The following PREPL variants were observed in gnomAD, a reference collection of about 807,000 sequenced individuals.
PREPL encodes the protein prolyl endopeptidase-like.
Under a neutral mutation model 70.6 loss-of-function variants are expected in PREPL, and 77 were observed. That is an observed-to-expected ratio of 1.09 (90% CI 0.91 to 1.32). The LOEUF is 1.32. Ranked by LOEUF, PREPL falls within the 40% of genes most tolerant of loss-of-function variation. The pLI is 0.00. For missense variants in PREPL, 1,002 were observed against 778.2 expected (o/e 1.29, Z -3.42); for synonymous variants, 315 against 264.8 (o/e 1.19, Z -1.84).
In PREPL at chr2:44,320,194, A is replaced by T. The variant is rs772586246; in HGVS notation, c.*1162T>A. ...ACTTACGTAAATACTTTTTTAAAAA[A>T]ATAGGTCCAAAAGACTCAGCCCAGA... On this transcript the variant is annotated 3_prime_UTR_variant, in exon 14 of 14. Coordinates refer to ENST00000409411, the MANE Select transcript of PREPL (RefSeq NM_001171613.2). 5 of 1,610,278 alleles carry T rather than the reference A, an allele frequency of 3.1e-6. No homozygotes were observed. In the Admixed American group the frequency reaches 5.0e-5, roughly 16 times the overall value.
In PREPL at chr2:44,321,169, G is replaced by C. The variant is rs1185094243; in HGVS notation, c.*187C>G. 1 of 579,366 alleles carries C rather than the reference G, an allele frequency of 1.7e-6. No homozygotes were observed. The highest frequency in any genetic ancestry group is 3.1e-6 in the Non-Finnish European group (1 of 322,050). The allele number at this position is 579,366 out of a possible 1,614,324, so 35.9% of individuals were successfully genotyped here. A position where few individuals can be genotyped will look rare whatever the true frequency, so the allele number is the denominator to read the frequency against. The stretch of plus-strand genomic sequence containing the variant: ...TACTTTCCTAGGTTAATGGGCATGT[G>C]CATCAATGGAGAGAATAGTATAAGC... On this transcript the variant is annotated 3_prime_UTR_variant, in exon 14 of 14. Transcript: ENST00000409411.
rs373288074 is a variant in PREPL, at chr2:44,326,680, T to G, written c.1479+32A>C. ...AGCCTATGGCTTCACACCTCCCCCATTCTATAAACAGTAGAGACAGAGCGT... is the reference window on the plus strand; with the variant it reads ...AGCCTATGGCTTCACACCTCCCCCAGTCTATAAACAGTAGAGACAGAGCGT... On this transcript the variant is annotated intron_variant, in intron 10 of 13. Coordinates refer to ENST00000409411, the MANE Select transcript of PREPL (RefSeq NM_001171613.2). 286 of 1,593,350 alleles carry G rather than the reference T, an allele frequency of 1.8e-4. 3 individuals are homozygous for G. The Middle Eastern group carries it at 5.9e-3, about 33-fold the overall frequency.
rs761672155 is a variant in PREPL at position 44,343,931 on chromosome 2, CTTCAT to C, written c.158_162del (p.Tyr53CysfsTer9). ...TTAAGTTCCTCCAAATTGAATAAAACTTCATAATTATCATTGTCTGCTGTATAAAG... is the reference window on the plus strand; with the variant it reads ...TTAAGTTCCTCCAAATTGAATAAAACAATTATCATTGTCTGCTGTATAAAG... On this transcript the variant is annotated frameshift_variant, in exon 4 of 14. Transcript: ENST00000409411. LOFTEE classifies it high-confidence loss of function. 8 of 1,613,688 alleles carry C rather than the reference CTTCAT, an allele frequency of 5.0e-6. No individual in the cohort carries two copies. In the Admixed American group the frequency reaches 1.3e-4, roughly 27 times the overall value.
In PREPL at chr2:44,318,234, G is replaced by C. The variant is rs1330189141; in HGVS notation, c.*3122C>G. On this transcript the variant is annotated 3_prime_UTR_variant, in exon 14 of 14. Coordinates refer to ENST00000409411, the MANE Select transcript of PREPL (RefSeq NM_001171613.2). Reference sequence around the variant, plus strand: ...GCCTCCCAAGTAGCTGGGATTACAGGTGCACGTCATTATGCCCGGGTAATT... The same window carrying C: ...GCCTCCCAAGTAGCTGGGATTACAGCTGCACGTCATTATGCCCGGGTAATT... 2.9e-6 allele frequency: 1 copy of C among 344,480 alleles called. No homozygotes were observed. The highest frequency in any genetic ancestry group is 2.3e-5 in the African/African-American group (1 of 44,022). 21.3% of individuals were successfully genotyped at this position (344,480 alleles called of 1,614,324 possible). A position where few individuals can be genotyped will look rare whatever the true frequency, so the allele number is the denominator to read the frequency against.
intron 11 of PREPL, 57 bp downstream of exon 11, chr2:44,323,205 T>G: frequency 6.8e-7 from 1 of 1,473,278 alleles, no homozygotes; most frequent in African/African-American, 1.4e-5. Context: ...GATAAGTTTT[T>G]TTTTTATTAT....
intron 1 of PREPL, 108 bp from the exon 2 acceptor site, chr2:44,346,498 G>T: frequency 1.0e-6 from 1 of 982,880 alleles, no homozygotes; most frequent in Non-Finnish European, 1.5e-6. Context: ...GTACAAAAAA[G>T]AAATAAGATT....
chr2:44,321,267 A>C lies in PREPL; in HGVS notation c.*89T>G. 8.8e-7 allele frequency: 1 copy of C among 1,134,152 alleles called. No individual in the cohort carries two copies. The highest frequency in any genetic ancestry group is 1.3e-6 in the Non-Finnish European group (1 of 790,702). The allele number at this position is 1,134,152 out of a possible 1,614,324, so 70.3% of individuals were successfully genotyped here. A position where few individuals can be genotyped will look rare whatever the true frequency, so the allele number is the denominator to read the frequency against. On this transcript the variant is annotated 3_prime_UTR_variant, in exon 14 of 14. Coordinates refer to ENST00000409411, the MANE Select transcript of PREPL (RefSeq NM_001171613.2). ...AAAAATTAATAACTTAAAAGTCTCA[A>C]GTTATTAATTTTTTTTTTGCTAACT...
At chr2:44,341,442 C>T (rs1010288906) in intron 5 of PREPL, among the ~76,000 whole-genome samples, 9 of 151,760 alleles carry the variant, frequency 5.9e-5, no homozygotes, top group Non-Finnish European at 1.0e-4. Context: ...AGGGCAAGTC[C>T]CCTACCCTAC....
chr2:44,320,845 T>C lies in PREPL; in HGVS notation c.*511A>G. 3.4e-6 allele frequency: 2 copies of C among 586,730 alleles called. No homozygotes were observed. Among genetic ancestry groups the C allele is most frequent in the South Asian group, 4.0e-5 (2 of 50,134 alleles). 36.3% of individuals were successfully genotyped at this position (586,730 alleles called of 1,614,324 possible). On this transcript the variant is annotated 3_prime_UTR_variant, in exon 14 of 14. Coordinates refer to ENST00000409411, the MANE Select transcript of PREPL (RefSeq NM_001171613.2). ...GTAAATTATGGCTTATAGGAGCTTATAACTTTATTCAGATAGCATCAATCA... is the reference window on the plus strand; with the variant it reads ...GTAAATTATGGCTTATAGGAGCTTACAACTTTATTCAGATAGCATCAATCA...
chr2:44,361,787 G>C (rs1409559307), upstream of PREPL: 7 of 809,472 alleles, frequency 8.6e-6, no homozygotes, highest in Non-Finnish European at 1.2e-5. Flanking sequence ...CCTCACTCAA[G>C]ATGGCTACCA....
At chr2:44,354,187 A>C (rs1450445731) in intron 1 of PREPL, among the ~76,000 whole-genome samples, 1 of 152,044 alleles carries the variant, frequency 6.6e-6, no homozygotes, top group East Asian at 1.9e-4. Flanking sequence ...AGTATCAAAG[A>C]CCTAAAGAAA....
chr2:44,348,096 C>A (rs149773747), intron 1 of PREPL, among the ~76,000 whole-genome samples: 1 of 152,028 alleles, frequency 6.6e-6, no homozygotes, highest in African/African-American at 2.4e-5. Context: ...CACTATGTTG[C>A]CCAGGCTGGA....
intron 2 of PREPL, among the ~76,000 whole-genome samples, chr2:44,345,980 A>G (rs1205520332): frequency 6.6e-6 from 1 of 152,046 alleles, no homozygotes; most frequent in Non-Finnish European, 1.5e-5. Flanking sequence ...TGTCTCTTGA[A>G]ATTTTTTTTT....
chr2:44,355,788 C>G (rs1246519567), intron 1 of PREPL, among the ~76,000 whole-genome samples: 1 of 148,914 alleles, frequency 6.7e-6, no homozygotes, highest in African/African-American at 2.5e-5. Context: ...TACACACACA[C>G]ACACATATGA....
chr2:44,354,504 T>C (rs1187576887), intron 1 of PREPL, among the ~76,000 whole-genome samples: 1 of 152,158 alleles, frequency 6.6e-6, no homozygotes, highest in Non-Finnish European at 1.5e-5. Context: ...TCTCCCCAAA[T>C]TCCAGACTCA....
intron 7 of PREPL, among the ~76,000 whole-genome samples, chr2:44,333,018 G>C (rs991179141): frequency 6.6e-6 from 1 of 152,158 alleles, no homozygotes; most frequent in African/African-American, 2.4e-5. Context: ...CACCGACACT[G>C]CCAAGATCTC....
intron 1 of PREPL, among the ~76,000 whole-genome samples, chr2:44,348,646 T>G (rs1255372360): frequency 6.6e-6 from 1 of 152,144 alleles, no homozygotes; most frequent in Non-Finnish European, 1.5e-5. Context: ...CTGATTAACA[T>G]TTTTTCTGTC....
Position 44,322,836 on chromosome 2 carries a change from T to C in PREPL, c.1648A>G (p.Ile550Val), listed in dbSNP as rs1341895350. The C allele has an allele frequency of 1.2e-6, 2 of 1,613,740 alleles. No homozygotes were observed. The highest frequency in any genetic ancestry group is 1.1e-5 in the South Asian group (1 of 91,060). Residue 550 changes from isoleucine to valine, a missense_variant, in exon 12 of 14, where the codon ATA becomes GTA. Transcript: ENST00000409411. ...IKPQHYPSIH[I>V]TAYENDERVP... ...CGTTCATCGTTTTCATATGCCGTTA[T>C]GTGAATTGAAGGATAATGCTGAAAG... is the stretch of plus-strand genomic sequence containing the variant.
chr2:44,322,715 C>G lies in PREPL; in HGVS notation c.1753+16G>C, dbSNP rs762187885. 1 of 1,610,682 alleles carries G rather than the reference C, an allele frequency of 6.2e-7. No individual in the cohort carries two copies. Among genetic ancestry groups the G allele is most frequent in the East Asian group, 2.2e-5 (1 of 44,858 alleles). On this transcript the variant is annotated intron_variant, in intron 12 of 13. Coordinates refer to ENST00000409411, the MANE Select transcript of PREPL (RefSeq NM_001171613.2). ...GTCTGTTTGGCCATGTTCCCTGCTT[C>G]TAGGGGGTCTCCTACCTTCACCTGT...
Sources: allele counts gnomAD v4.1 joint callset (sites outside exome capture counted in the v4.1 genomes callset), GRCh38; gene constraint gnomAD v4.1.1; transcripts MANE v1.5; gene names NCBI Gene and HGNC (gene_info 2026-07-23, HGNC 2026-07-21).